KCP: variants seen among roughly 807,000 people sequenced by gnomAD.
KCP encodes kielin cysteine rich BMP regulator.
KCP carries 194 observed loss-of-function variants against 212.7 expected under a neutral mutation model. That is an observed-to-expected ratio of 0.91 (90% CI 0.81 to 1.03). The LOEUF (loss-of-function observed/expected upper bound fraction) is 1.03, where lower values mean the gene tolerates loss of function less well. Among genes scored for constraint, KCP ranks in the 50% least tolerant of loss-of-function variants. The pLI is 0.00. For missense variants in KCP, 2,080 were observed against 2,162.5 expected (o/e 0.96, Z 0.76); for synonymous variants, 833 against 865.3 (o/e 0.96, Z 0.65).
Position 128,884,033 on chromosome 7 carries a change from A to C in KCP, c.3213T>G (p.Pro1071=). 1.9e-6 allele frequency: 3 copies of C among 1,547,826 alleles called. No homozygotes were observed. In the South Asian group the frequency reaches 3.6e-5, roughly 18 times the overall value. ...VGCPPSQLLP[P]GPQHCCPTCA... ...AGGTGGGACAGCAGTGCTGGGGCCC[A>C]GGGGGCAGGAGCTGGCTGGGGGGGC... The change falls in exon 29 of 40, where the codon CCT becomes CCG. Residue 1071 remains proline (P), a synonymous_variant. Transcript: ENST00000610776.
At chr7:128,880,119 G>A (rs1455764104) in intron 34 of KCP, 34 bp from the exon 35 acceptor site, 21 of 1,485,930 alleles carry the variant, frequency 1.4e-5, no homozygotes, top group East Asian at 1.2e-4. Context: ...CAGACACACC[G>A]CCCTCCCCGC....
intron 8 of KCP, among the ~76,000 whole-genome samples, chr7:128,895,209 A>G (rs1227686334): frequency 2.6e-5 from 4 of 152,218 alleles, no homozygotes; most frequent in Admixed American, 2.6e-4. Flanking sequence ...TCATACAGAT[A>G]CATAAACTAG....
chr7:128,894,554 ATC>A (rs1794402779), intron 8 of KCP, among the ~76,000 whole-genome samples: 2 of 146,550 alleles, frequency 1.4e-5, no homozygotes, highest in Admixed American at 6.6e-5. Flanking sequence ...TATAACTAGT[ATC>A]TTTTTTTTTT....
intron 11 of KCP, 64 bp downstream of exon 11, chr7:128,893,742 C>T: frequency 6.7e-7 from 1 of 1,492,480 alleles, no homozygotes; most frequent in Admixed American, 2.0e-5. Context: ...GCAAATCCCC[C>T]ACACCTACAG....
Position 128,876,978 on chromosome 7 carries a change from G to T in KCP, c.*65C>A, listed in dbSNP as rs527472362. 31 of 1,512,588 alleles carry T rather than the reference G, an allele frequency of 2.0e-5. No homozygotes were observed. The African/African-American group carries it at 2.5e-4, about 12-fold the overall frequency. 93.7% of individuals were successfully genotyped at this position (1,512,588 alleles called of 1,614,324 possible). ...GCATTCTCTCCATAGCCCTAACCAGGGTGGGAACTGCTCGCCAAGGGGAGA... is the reference window on the plus strand; with the variant it reads ...GCATTCTCTCCATAGCCCTAACCAGTGTGGGAACTGCTCGCCAAGGGGAGA... On this transcript the variant is annotated 3_prime_UTR_variant, in exon 40 of 40. Transcript: ENST00000610776.
In KCP at chr7:128,880,377, G is replaced by C; in HGVS notation, c.3759+9C>G. The C allele has an allele frequency of 6.6e-7, 1 of 1,513,730 alleles. No individual in the cohort carries two copies. The highest frequency in any genetic ancestry group is 8.9e-7 in the Non-Finnish European group (1 of 1,124,308). The allele number at this position is 1,513,730 out of a possible 1,614,324, so 93.8% of individuals were successfully genotyped here. On this transcript the variant is annotated intron_variant, in intron 34 of 39. Transcript: ENST00000610776. ...GACCCTCCCCACCATTTTAGATTGC[G>C]GCACTCACGGGGCCACACGAGAGCG... is the stretch of plus-strand genomic sequence containing the variant.
Position 128,879,821 on chromosome 7 carries a change from A to G in KCP, c.3941T>C (p.Val1314Ala). 1.3e-6 allele frequency: 2 copies of G among 1,550,984 alleles called. No individual in the cohort carries two copies. Among genetic ancestry groups the G allele is most frequent in the Non-Finnish European group, 1.7e-6 (2 of 1,146,956 alleles). The change falls in exon 36 of 40, where the codon GTG (valine) becomes GCG (alanine). Residue 1314 changes from valine (V) to alanine (A), a missense_variant. Transcript: ENST00000610776. ...DCHSGDFSVH[V>A]TNDDRGRSGV... The stretch of plus-strand genomic sequence containing the variant: ...GCTCCGGCCCCGGTCATCATTGGTC[A>G]CGTGCACACTGTGGGCAGGAAAGTC...
chr7:128,891,715 G>T lies in KCP; in HGVS notation c.1726C>A (p.Pro576Thr). ...RCQEGHAHCQ[P>T]RPCPRAPCAH... Reference sequence around the variant, plus strand: ...CAGGGGGCCCTGGGGCAGGGGCGAGGCTGGCAGTGGGCATGGCCTTCCTGG... The same window carrying T: ...CAGGGGGCCCTGGGGCAGGGGCGAGTCTGGCAGTGGGCATGGCCTTCCTGG... Residue 576 changes from proline (P) to threonine (T), a missense_variant, in exon 17 of 40, where the codon CCT (proline) becomes ACT (threonine). Pro to Thr is a conservative substitution (Grantham distance 38). Transcript: ENST00000610776. The T allele has an allele frequency of 6.9e-7, 1 of 1,448,878 alleles. No individual in the cohort carries two copies. The highest frequency in any genetic ancestry group is 9.1e-7 in the Non-Finnish European group (1 of 1,098,962). The allele number at this position is 1,448,878 out of a possible 1,614,324, so 89.8% of individuals were successfully genotyped here.
rs1274638184 is a variant in KCP at position 128,879,546 on chromosome 7, G to A, written c.4122C>T (p.Ile1374=). ...LYVELRGHTV[I]LHAQPGLQVL... The stretch of plus-strand genomic sequence containing the variant: ...CCTGGAGCCCGGGCTGGGCGTGCAG[G>A]ATCACAGTGTGTCCTCGCAGCTCCA... The change falls in exon 37 of 40, where the codon ATC becomes ATT. Residue 1374 remains isoleucine, a synonymous_variant. Coordinates refer to ENST00000610776, the MANE Select transcript of KCP (RefSeq NM_001366122.1). 3.9e-6 allele frequency: 6 copies of A among 1,550,116 alleles called. No homozygotes were observed. In the South Asian group the frequency reaches 7.1e-5, roughly 18 times the overall value.
At chr7:128,903,985 A>C (rs1054048315) in intron 6 of KCP, 71 bp downstream of exon 6, 2 of 1,438,482 alleles carry the variant, frequency 1.4e-6, no homozygotes. Context: ...GAGGAGTGGC[A>C]GGCAGGGCCC....
In KCP at chr7:128,881,636, G is replaced by A. The variant is rs184700275; in HGVS notation, c.3414C>T (p.Pro1138=). 3.9e-5 allele frequency: 59 copies of A among 1,498,236 alleles called. No individual in the cohort carries two copies. Among genetic ancestry groups the A allele is most frequent in the Middle Eastern group, 1.7e-4 (1 of 5,776 alleles). 92.8% of individuals were successfully genotyped at this position (1,498,236 alleles called of 1,614,324 possible). A position where few individuals can be genotyped will look rare whatever the true frequency, so the allele number is the denominator to read the frequency against. Residue 1138 remains proline, a synonymous_variant, in exon 31 of 40, where the codon CCC becomes CCT. Transcript: ENST00000610776. The part of the protein sequence containing the change: ...ERHTPPGSCC[P]VCRECVVEAE... Reference sequence around the variant, plus strand: ...AGGCTGGGCACTTACCCCGGCATACGGGGCAGCAGCTCCCAGGGGGAGTGT... The same window carrying A: ...AGGCTGGGCACTTACCCCGGCATACAGGGCAGCAGCTCCCAGGGGGAGTGT...
At chr7:128,884,254 G>T (rs1038442678) in intron 28 of KCP, 132 bp from the exon 29 acceptor site, 1 of 1,128,118 alleles carries the variant, frequency 8.9e-7, no homozygotes, top group Non-Finnish European at 1.2e-6. Context: ...TGAACTCAAG[G>T]CTGAAGAGAG....
In KCP at chr7:128,896,889, C is replaced by CAAA. The variant is rs35522047; in HGVS notation, c.832-2599_832-2597dup. On this transcript the variant is annotated intron_variant, in intron 8 of 39. Transcript: ENST00000610776. ...CTGGCGACAGAGCAAGACTCCATCTCAAAAAAAAAAAAAAAAAAAAAAAAA... is the reference window on the plus strand; with the variant it reads ...CTGGCGACAGAGCAAGACTCCATCTCAAAAAAAAAAAAAAAAAAAAAAAAAAAA... 4.1e-3 allele frequency among the ~76,000 whole-genome samples: 238 copies of CAAA among 58,088 alleles called. 3 individuals carry two copies. Among genetic ancestry groups the CAAA allele is most frequent in the South Asian group, 0.033 (45 of 1,360 alleles). The allele number at this position is 58,088 out of a possible 152,430, so 38.1% of individuals were successfully genotyped here.
intron 12 of KCP, 33 bp from the exon 13 acceptor site, chr7:128,893,352 A>G: frequency 1.3e-6 from 2 of 1,551,370 alleles, no homozygotes; most frequent in Non-Finnish European, 8.7e-7. Flanking sequence ...ACCCTGAAGG[A>G]ATGAGGCAGA....
At chr7:128,884,753 C>T in intron 28 of KCP, 28 bp downstream of exon 28, 1 of 1,549,030 alleles carries the variant, frequency 6.5e-7, no homozygotes, top group South Asian at 1.2e-5. Flanking sequence ...ACGAGGTGCC[C>T]CAGCCCCACC....
At position 128,910,686 on chromosome 7, in the gene KCP, G is replaced by T. The variant is rs1192704779; in HGVS notation, c.-10C>A. 1 of 1,487,620 alleles carries T rather than the reference G, an allele frequency of 6.7e-7. No homozygotes were observed. Among genetic ancestry groups the T allele is most frequent in the Admixed American group, 2.2e-5 (1 of 44,626 alleles). 92.2% of individuals were successfully genotyped at this position (1,487,620 alleles called of 1,614,324 possible). On this transcript the variant is annotated 5_prime_UTR_variant, in exon 1 of 40. Coordinates refer to ENST00000610776, the MANE Select transcript of KCP (RefSeq NM_001366122.1). ...CCCCGACCCCGGCCATGCTAGCTCC[G>T]CCTCGCTCGGCTCGCCGTCTGTCGT...
At chr7:128,890,292 C>T in intron 21 of KCP, 51 bp downstream of exon 21, 1 of 1,551,394 alleles carries the variant, frequency 6.4e-7, no homozygotes, top group Non-Finnish European at 8.7e-7. Flanking sequence ...TGACCCAGCC[C>T]TCTGGTCTCC....
intron 37 of KCP, 50 bp downstream of exon 37, chr7:128,879,472 G>A: frequency 1.3e-6 from 2 of 1,482,662 alleles, no homozygotes; most frequent in Non-Finnish European, 1.8e-6. Context: ...GCCTAAACAG[G>A]ACTGAAGCTC....
rs1213603743 is a variant in KCP at position 128,893,976 on chromosome 7, A to AGCTC, written c.1004_1005insGAGC (p.Asn336SerfsTer2). Reference sequence around the variant, plus strand: ...CTCCCTGCCAGGCAGCCACACTCACAGCACAGCGGCAGTGCGAGCAGGGGT... The same window carrying AGCTC: ...CTCCCTGCCAGGCAGCCACACTCACAGCTCGCACAGCGGCAGTGCGAGCAGGGGT... On this transcript the variant is annotated frameshift_variant and splice_region_variant, in exon 10 of 40. Coordinates refer to ENST00000610776, the MANE Select transcript of KCP (RefSeq NM_001366122.1). LOFTEE classifies it high-confidence loss of function. 1 of 1,549,730 alleles carries AGCTC rather than the reference A, an allele frequency of 6.5e-7. No individual in the cohort carries two copies. Among genetic ancestry groups the AGCTC allele is most frequent in the African/African-American group, 1.4e-5 (1 of 73,040 alleles).
Sources: allele counts gnomAD v4.1 joint callset (sites outside exome capture counted in the v4.1 genomes callset), GRCh38; gene constraint gnomAD v4.1.1; transcripts MANE v1.5; gene names NCBI Gene and HGNC (gene_info 2026-07-23, HGNC 2026-07-21).